RFXANK: variants seen among roughly 807,000 people sequenced by gnomAD.
The protein encoded by RFXANK is regulatory factor X associated ankyrin containing protein, also known as DNA-binding protein RFXANK.
Under a neutral mutation model 34.5 loss-of-function variants are expected in RFXANK, and 19 were observed. The observed-to-expected ratio is 0.55, with a 90% CI of 0.38 to 0.81. The LOEUF (loss-of-function observed/expected upper bound fraction) is 0.81, where lower values mean the gene tolerates loss of function less well. Ranked by LOEUF, RFXANK falls within the 30% of genes least tolerant of loss-of-function variation. The probability of loss-of-function intolerance (pLI) is 0.00; values close to 1 mark genes in which losing one functional copy is unlikely to be tolerated. For missense variants in RFXANK, 295 were observed against 343.5 expected (o/e 0.86, Z 1.12); for synonymous variants, 154 against 149.8 (o/e 1.03, Z -0.20).
At chr19:19,194,196 C>T in intron 3 of RFXANK, 63 bp downstream of exon 3, 1 of 1,512,286 alleles carries the variant, frequency 6.6e-7, no homozygotes, top group South Asian at 1.1e-5. Context: ...TCAGGCCTCA[C>T]ATGGAACCTG....
In RFXANK at chr19:19,193,952, G is replaced by T. The variant is rs1237895296; in HGVS notation, c.6G>T (p.Glu2Asp). The change falls in exon 3 of 10, where the codon GAG becomes GAT. Residue 2 changes from glutamate (E) to aspartate (D), a missense_variant. By Grantham distance (45) the Glu-to-Asp change is conservative. Transcript: ENST00000303088. M[E>D]LTQPAEDLIQ... is the part of the protein sequence containing the mutation. ...CACCTCCGCCAGCTTTCCCCATGGAGCTTACCCAGCCTGCAGAAGACCTCA... is the reference window on the plus strand; with the variant it reads ...CACCTCCGCCAGCTTTCCCCATGGATCTTACCCAGCCTGCAGAAGACCTCA... 1.2e-6 allele frequency: 2 copies of T among 1,614,196 alleles called. No individual in the cohort carries two copies. Among genetic ancestry groups the T allele is most frequent in the South Asian group, 1.1e-5 (1 of 91,082 alleles).
chr19:19,198,605 G>A, intron 7 of RFXANK, 52 bp from the exon 8 acceptor site: 1 of 1,597,350 alleles, frequency 6.3e-7, no homozygotes, highest in Non-Finnish European at 8.5e-7. Context: ...AAGGCATTTT[G>A]AGAATGAGGA....
chr19:19,199,370 G>A (rs996609009), intron 9 of RFXANK, 136 bp downstream of exon 9: 2 of 873,118 alleles, frequency 2.3e-6, no homozygotes. Flanking sequence ...GCACTGCTGT[G>A]TATCCCGCCT....
chr19:19,198,892 C>G, intron 8 of RFXANK, 169 bp downstream of exon 8: 1 of 793,288 alleles, frequency 1.3e-6, no homozygotes, highest in Non-Finnish European at 2.1e-6. Flanking sequence ...GGTAGGACCA[C>G]ACGGGAGTCG....
intron 9 of RFXANK, chr19:19,201,007 T>G (rs1193997649): frequency 3.6e-5 from 7 of 194,688 alleles, no homozygotes; most frequent in Non-Finnish European, 7.5e-5. Flanking sequence ...TCCATGTTGG[T>G]CAGGTGATCT....
At position 19,201,695 on chromosome 19, in the gene RFXANK, C is replaced by T. The variant is rs1168575714; in HGVS notation, c.759C>T (p.Asn253=). ...ACATCCTCAAGCTCTTCCAGAGCAA[C>T]CTGGTGCCCGCTGACCCTGAGTGAA... The part of the protein sequence containing the change: ...ENHILKLFQS[N]LVPADPE Residue 253 remains asparagine, a synonymous_variant, in exon 10 of 10, where the codon AAC becomes AAT. Transcript: ENST00000303088. The T allele has an allele frequency of 1.9e-6, 3 of 1,614,138 alleles. No individual in the cohort carries two copies. The highest frequency in any genetic ancestry group is 1.1e-5 in the South Asian group (1 of 91,090).
Position 19,194,151 on chromosome 19 carries a change from G to T in RFXANK, c.187+18G>T. On this transcript the variant is annotated intron_variant, in intron 3 of 9. Coordinates refer to ENST00000303088, the MANE Select transcript of RFXANK (RefSeq NM_003721.4). Reference sequence around the variant, plus strand: ...TCCACAGGGTAGGATACCTCCTCTGGGATTAGCCCTCTGGGATTCCATGAT... The same window carrying T: ...TCCACAGGGTAGGATACCTCCTCTGTGATTAGCCCTCTGGGATTCCATGAT... The T allele has an allele frequency of 6.2e-7, 1 of 1,612,814 alleles. No homozygotes were observed. The highest frequency in any genetic ancestry group is 8.5e-7 in the Non-Finnish European group (1 of 1,178,784).
chr19:19,194,532 G>A (rs896657624), intron 3 of RFXANK, among the ~76,000 whole-genome samples: 5 of 152,042 alleles, frequency 3.3e-5, no homozygotes, highest in Non-Finnish European at 5.9e-5. Flanking sequence ...CACTGTGCCC[G>A]GCCTGTTTTT....
At position 19,198,691 on chromosome 19, in the gene RFXANK, G is replaced by A. The variant is rs772154823; in HGVS notation, c.599G>A (p.Gly200Glu). The change falls in exon 8 of 10, where the codon GGG becomes GAG. Residue 200 changes from glycine (G) to glutamate (E), a missense_variant. Physicochemically the swap from Gly to Glu is moderately conservative, Grantham distance 98. Coordinates refer to ENST00000303088, the MANE Select transcript of RFXANK (RefSeq NM_003721.4). ...ACGCCACTGCTGTACGCTGTGCGCG[G>A]GAACCACGTGAAATGCGTTGAGGCC... ...GGTPLLYAVR[G>E]NHVKCVEALL... 2.5e-6 allele frequency: 4 copies of A among 1,613,976 alleles called. No individual in the cohort carries two copies. Among genetic ancestry groups the A allele is most frequent in the Non-Finnish European group, 3.4e-6 (4 of 1,180,056 alleles).
At position 19,194,063 on chromosome 19, in the gene RFXANK, C is replaced by T; in HGVS notation, c.117C>T (p.Val39=). ...CTGCAGATGGCTCAGACACTGTGGT[C>T]CTCAGTCTCTTTCCCTGCACCCCTG... ...EEAADGSDTV[V]LSLFPCTPEP... is the part of the protein sequence containing the mutation. Residue 39 remains valine, a synonymous_variant, in exon 3 of 10, where the codon GTC becomes GTT. Transcript: ENST00000303088. 22 of 1,614,160 alleles carry T rather than the reference C, an allele frequency of 1.4e-5. No individual in the cohort carries two copies. Among genetic ancestry groups the T allele is most frequent in the Non-Finnish European group, 1.9e-5 (22 of 1,180,018 alleles).
rs747424282 is a variant in RFXANK at position 19,197,033 on chromosome 19, G to C, written c.258G>C (p.Pro86=). 12 of 1,613,554 alleles carry C rather than the reference G, an allele frequency of 7.4e-6. No homozygotes were observed. The Admixed American group carries it at 2.0e-4, about 27-fold the overall frequency. The change falls in exon 4 of 10, where the codon CCG becomes CCC. Residue 86 remains proline (P), a synonymous_variant. Coordinates refer to ENST00000303088, the MANE Select transcript of RFXANK (RefSeq NM_003721.4). ...GAGGGAACGAGGTGTCAGCTCTGCC[G>C]GCCACCCTAGACTGTGAGTGGGCCC... is the stretch of plus-strand genomic sequence containing the variant. ...RQRGNEVSAL[P]ATLDSLSIHQ...
chr19:19,201,714 G>C lies in RFXANK; in HGVS notation c.778G>C (p.Glu260Gln). The C allele has an allele frequency of 6.2e-7, 1 of 1,614,030 alleles. No homozygotes were observed. Among genetic ancestry groups the C allele is most frequent in the South Asian group, 1.1e-5 (1 of 91,084 alleles). The change falls in exon 10 of 10, where the codon GAG becomes CAG. Residue 260 changes from glutamate (E) to glutamine (Q), a missense_variant. By Grantham distance (29) the Glu-to-Gln change is conservative. Coordinates refer to ENST00000303088, the MANE Select transcript of RFXANK (RefSeq NM_003721.4). ...FQSNLVPADPE is the reference protein window; with the variant it reads ...FQSNLVPADPQ ...GAGCAACCTGGTGCCCGCTGACCCTGAGTGAAGGCCGCCTGCCGGGGACTC... is the reference window on the plus strand; with the variant it reads ...GAGCAACCTGGTGCCCGCTGACCCTCAGTGAAGGCCGCCTGCCGGGGACTC...
At position 19,194,001 on chromosome 19, in the gene RFXANK, T is replaced by G. The variant is rs1425835390; in HGVS notation, c.55T>G (p.Ser19Ala). Residue 19 changes from serine to alanine, a missense_variant, in exon 3 of 10, where the codon TCA becomes GCA. Ser to Ala is a moderately conservative substitution (Grantham distance 99). Coordinates refer to ENST00000303088, the MANE Select transcript of RFXANK (RefSeq NM_003721.4). ...CATCCAGACCCAGCAGACCCCTGCC[T>G]CAGAACTTGGGGACCCTGAAGACCC... ...DLIQTQQTPASELGDPEDPGE... is the reference protein window; with the variant it reads ...DLIQTQQTPAAELGDPEDPGE... The G allele has an allele frequency of 6.2e-7, 1 of 1,614,078 alleles. No individual in the cohort carries two copies. Among genetic ancestry groups the G allele is most frequent in the East Asian group, 2.2e-5 (1 of 44,892 alleles).
rs529603288 is a variant in RFXANK, at chr19:19,197,285, C to T, written c.337+34C>T. Reference sequence around the variant, plus strand: ...CCACACACATGTGCTGGCATGTCTGCACCTGGCTGGTGTGTGCATATGGGT... The same window carrying T: ...CCACACACATGTGCTGGCATGTCTGTACCTGGCTGGTGTGTGCATATGGGT... On this transcript the variant is annotated intron_variant, in intron 5 of 9. Coordinates refer to ENST00000303088, the MANE Select transcript of RFXANK (RefSeq NM_003721.4). 142 of 1,608,298 alleles carry T rather than the reference C, an allele frequency of 8.8e-5. No individual in the cohort carries two copies. The South Asian group carries it at 1.4e-3, about 16-fold the overall frequency.
chr19:19,196,903 G>A, intron 3 of RFXANK, 60 bp from the exon 4 acceptor site: 1 of 1,462,816 alleles, frequency 6.8e-7, no homozygotes, highest in Non-Finnish European at 9.5e-7. Flanking sequence ...ATGGGCTTCT[G>A]TCCTGAAGCC....
At chr19:19,194,700 T>C (rs2060567609) in intron 3 of RFXANK, among the ~76,000 whole-genome samples, 1 of 151,282 alleles carries the variant, frequency 6.6e-6, no homozygotes, top group Non-Finnish European at 1.5e-5. Context: ...ATTTTTTTTT[T>C]TTTTTTGGGA....
rs754884843 is a variant in RFXANK, at chr19:19,193,927, C to A, written c.-8-12C>A. On this transcript the variant is annotated splice_polypyrimidine_tract_variant and intron_variant, in intron 2 of 9. Coordinates refer to ENST00000303088, the MANE Select transcript of RFXANK (RefSeq NM_003721.4). ...ATTATTGTCATCTCTCCCCTTCTGA[C>A]ACCTCCGCCAGCTTTCCCCATGGAG... 1 of 1,614,046 alleles carries A rather than the reference C, an allele frequency of 6.2e-7. No individual in the cohort carries two copies. The highest frequency in any genetic ancestry group is 8.5e-7 in the Non-Finnish European group (1 of 1,179,950).
intron 9 of RFXANK, 175 bp from the exon 10 acceptor site, chr19:19,201,474 T>G (rs1230573075): frequency 1.3e-6 from 2 of 1,576,904 alleles, no homozygotes; most frequent in Non-Finnish European, 1.7e-6. Context: ...TTTTACAAAC[T>G]TAGGGGAAGT....
In RFXANK at chr19:19,197,167, T is replaced by C; in HGVS notation, c.272-19T>C. 1 of 1,613,880 alleles carries C rather than the reference T, an allele frequency of 6.2e-7. No individual in the cohort carries two copies. The highest frequency in any genetic ancestry group is 2.2e-5 in the East Asian group (1 of 44,876). ...GAAGCAAGGGGATGAGTGAGGACTC[T>C]GCCTCTGTCCTGCCCCAGCCCTGTC... On this transcript the variant is annotated intron_variant, in intron 4 of 9. Coordinates refer to ENST00000303088, the MANE Select transcript of RFXANK (RefSeq NM_003721.4).
Sources: gnomAD v4.1 joint callset for allele counts (sites outside exome capture counted in the v4.1 genomes callset) on GRCh38, gnomAD v4.1.1 for gene constraint, MANE v1.5 for transcripts, NCBI Gene and HGNC (gene_info 2026-07-23, HGNC 2026-07-21) for gene names.